The following GPR83 variants were observed in gnomAD, a reference collection of about 807,000 sequenced individuals.
GPR83 encodes the protein G-protein coupled receptor 72.
In GPR83, 23 loss-of-function variants were observed where a neutral mutation model predicts 28.0. The observed-to-expected ratio is 0.82, with a 90% CI of 0.59 to 1.16. GPR83 has a LOEUF of 1.16. Ranked by LOEUF, GPR83 falls within the 50% of genes most tolerant of loss-of-function variation. The pLI is 0.00. For missense variants in GPR83, 610 were observed against 536.6 expected, an observed-to-expected ratio of 1.14 and a Z score of -1.35; for synonymous variants, 234 against 215.4, an observed-to-expected ratio of 1.09 and a Z score of -0.76.
intron 3 of GPR83, among the ~76,000 whole-genome samples, chr11:94,387,853 A>C (rs1944776203): frequency 6.6e-6 from 1 of 152,206 alleles, no homozygotes; most frequent in Admixed American, 6.5e-5. Flanking sequence ...CCTGATACCA[A>C]AGCCTGGCAG....
At position 94,393,655 on chromosome 11, in the gene GPR83, G is replaced by A. The variant is rs188775750; in HGVS notation, c.514-37C>T. On this transcript the variant is annotated intron_variant, in intron 2 of 3. Coordinates refer to ENST00000243673, the MANE Select transcript of GPR83 (RefSeq NM_016540.4). ...GCAAACCACATCACTAACTGAAGAC[G>A]TTTTGGAGCAAATCAGAAATCTGGG... is the stretch of plus-strand genomic sequence containing the variant. 1.4e-4 allele frequency: 229 copies of A among 1,608,996 alleles called. 1 individual carries two copies. In the East Asian group the frequency reaches 4.6e-3, roughly 32 times the overall value.
At position 94,401,256 on chromosome 11, in the gene GPR83, A is replaced by G. The variant is rs755578971; in HGVS notation, c.-9T>C. 25 of 1,587,328 alleles carry G rather than the reference A, an allele frequency of 1.6e-5. No individual in the cohort carries two copies. Among genetic ancestry groups the G allele is most frequent in the Non-Finnish European group, 2.1e-5 (24 of 1,168,666 alleles). Reference sequence around the variant, plus strand: ...AAGAGGTGAGGGACCATTTTGCAGGAGCCACCCCTCCCCTGGGAGCCTGCG... The same window carrying G: ...AAGAGGTGAGGGACCATTTTGCAGGGGCCACCCCTCCCCTGGGAGCCTGCG... On this transcript the variant is annotated 5_prime_UTR_variant, in exon 1 of 4. Transcript: ENST00000243673.
intron 3 of GPR83, among the ~76,000 whole-genome samples, chr11:94,392,334 G>C (rs1017812228): frequency 6.6e-6 from 1 of 151,958 alleles, no homozygotes; most frequent in Non-Finnish European, 1.5e-5. Flanking sequence ...GAGGTGGGGG[G>C]CAAGCAGAGG....
At position 94,400,959 on chromosome 11, in the gene GPR83, A is replaced by G. The variant is rs1167779558; in HGVS notation, c.289T>C (p.Phe97Leu). Residue 97 changes from phenylalanine to leucine, a missense_variant, in exon 1 of 4, where the codon TTC becomes CTC. Coordinates refer to ENST00000243673, the MANE Select transcript of GPR83 (RefSeq NM_016540.4). ...GCCGAGTGCATTCGCTGGTTCTTGA[A>G]GATGACATGACAGACCAGGACGTTG... Reference protein sequence around the residue: ...FGNVLVCHVIFKNQRMHSATS... With the variant: ...FGNVLVCHVILKNQRMHSATS... 2 of 1,614,160 alleles carry G rather than the reference A, an allele frequency of 1.2e-6. No individual in the cohort carries two copies. Among genetic ancestry groups the G allele is most frequent in the Non-Finnish European group, 1.7e-6 (2 of 1,179,968 alleles).
rs1351697262 is a variant in GPR83, at chr11:94,380,677, G to A, written c.744C>T (p.Tyr248=). ...YLDLATFILL[Y]ILPLLIISVA... ...CAGAGATGATGAGGAGGGGCAGGAT[G>A]TAGAGCAGGATGAAGGTGGCCAAGT... Residue 248 remains tyrosine, a synonymous_variant, in exon 4 of 4, where the codon TAC becomes TAT. Transcript: ENST00000243673. 1 of 1,613,888 alleles carries A rather than the reference G, an allele frequency of 6.2e-7. No individual in the cohort carries two copies. The highest frequency in any genetic ancestry group is 1.1e-5 in the South Asian group (1 of 91,046).
rs556573852 is a variant in GPR83, at chr11:94,387,225, G to A, written c.647+6260C>T. Among the ~76,000 whole-genome samples, 537 of 152,252 alleles carry A rather than the reference G, an allele frequency of 3.5e-3. 5 individuals are homozygous for A. Among genetic ancestry groups the A allele is most frequent in the African/African-American group, 0.012 (514 of 41,554 alleles). On this transcript the variant is annotated intron_variant, in intron 3 of 3. Transcript: ENST00000243673. ...CACTAAATGCCCACAAGGGAAACCAGGAAAGATCTAAAATTGACACCCTAA... is the reference window on the plus strand; with the variant it reads ...CACTAAATGCCCACAAGGGAAACCAAGAAAGATCTAAAATTGACACCCTAA...
intron 3 of GPR83, among the ~76,000 whole-genome samples, chr11:94,392,921 C>T (rs80349220): frequency 0.081 from 12,323 of 151,884 alleles, 583 homozygotes; most frequent in South Asian, 0.18. Context: ...TTGAGATCAC[C>T]GAGATAACAA....
At chr11:94,383,444 A>C (rs1174553779) in intron 3 of GPR83, among the ~76,000 whole-genome samples, 1 of 152,192 alleles carries the variant, frequency 6.6e-6, no homozygotes. Flanking sequence ...GCAACAGCAA[A>C]CAAATTCAAA....
In GPR83 at chr11:94,380,700, A is replaced by G; in HGVS notation, c.721T>C (p.Leu241=). 1.2e-6 allele frequency: 2 copies of G among 1,613,528 alleles called. No individual in the cohort carries two copies. Among genetic ancestry groups the G allele is most frequent in the Non-Finnish European group, 1.7e-6 (2 of 1,179,992 alleles). The change falls in exon 4 of 4, where the codon TTG becomes CTG. Residue 241 remains leucine, a synonymous_variant. Coordinates refer to ENST00000243673, the MANE Select transcript of GPR83 (RefSeq NM_016540.4). Reference sequence around the variant, plus strand: ...ATGTAGAGCAGGATGAAGGTGGCCAAGTCCAGGTACTTCCAGAAGAGGTCA... The same window carrying G: ...ATGTAGAGCAGGATGAAGGTGGCCAGGTCCAGGTACTTCCAGAAGAGGTCA... ...PADLFWKYLD[L]ATFILLYILP... is the part of the protein sequence containing the mutation.
rs1321677900 is a variant in GPR83, at chr11:94,377,605, A to T, written c.*2544T>A. ...TTATGATGATGGGAAAGCAATACACATTCAGTAGAAACCATACTTCGCATA... is the reference window on the plus strand; with the variant it reads ...TTATGATGATGGGAAAGCAATACACTTTCAGTAGAAACCATACTTCGCATA... On this transcript the variant is annotated 3_prime_UTR_variant, in exon 4 of 4. Transcript: ENST00000243673. 1.3e-5 allele frequency: 2 copies of T among 152,202 alleles called. No individual in the cohort carries two copies. The highest frequency in any genetic ancestry group is 4.8e-5 in the African/African-American group (2 of 41,450). 9.4% of individuals were successfully genotyped at this position (152,202 alleles called of 1,614,324 possible). A position where few individuals can be genotyped will look rare whatever the true frequency, so the allele number is the denominator to read the frequency against.
Position 94,380,576 on chromosome 11 carries a change from G to T in GPR83, c.845C>A (p.Ala282Asp). The change falls in exon 4 of 4, where the codon GCC becomes GAC. Residue 282 changes from alanine (A) to aspartate (D), a missense_variant. Physicochemically the swap from Ala to Asp is moderately radical, Grantham distance 126. Coordinates refer to ENST00000243673, the MANE Select transcript of GPR83 (RefSeq NM_016540.4). ...IGDVTTEQYFALRRKKKKTIK... is the reference protein window; with the variant it reads ...IGDVTTEQYFDLRRKKKKTIK... Reference sequence around the variant, plus strand: ...GGTCTTCTTCTTTTTGCGCCGCAGGGCAAAGTACTGCTCTGTGGTCACATC... The same window carrying T: ...GGTCTTCTTCTTTTTGCGCCGCAGGTCAAAGTACTGCTCTGTGGTCACATC... The T allele has an allele frequency of 6.2e-7, 1 of 1,614,130 alleles. No individual in the cohort carries two copies. The highest frequency in any genetic ancestry group is 8.5e-7 in the Non-Finnish European group (1 of 1,179,992).
chr11:94,385,758 A>G (rs1944747807), intron 3 of GPR83, among the ~76,000 whole-genome samples: 1 of 152,230 alleles, frequency 6.6e-6, no homozygotes. Context: ...AATGGAACCA[A>G]GTTGGAAAAC....
In GPR83 at chr11:94,400,884, G is replaced by T. The variant is rs1281536982; in HGVS notation, c.364C>A (p.Leu122Met). 1.2e-6 allele frequency: 2 copies of T among 1,614,202 alleles called. No homozygotes were observed. Among genetic ancestry groups the T allele is most frequent in the Non-Finnish European group, 1.7e-6 (2 of 1,180,022 alleles). ...ACCAAAGTGAAGGGGGTGTTGAGCAGCGTGATCATTATGTCGGCAACTGCC... is the reference window on the plus strand; with the variant it reads ...ACCAAAGTGAAGGGGGTGTTGAGCATCGTGATCATTATGTCGGCAACTGCC... The part of the protein sequence containing the change: ...NLAVADIMIT[L>M]LNTPFTLVRF... The change falls in exon 1 of 4, where the codon CTG (leucine) becomes ATG (methionine). Residue 122 changes from leucine to methionine, a missense_variant. Physicochemically the swap from Leu to Met is conservative, Grantham distance 15. Coordinates refer to ENST00000243673, the MANE Select transcript of GPR83 (RefSeq NM_016540.4).
chr11:94,386,154 A>G (rs1220963355), intron 3 of GPR83, among the ~76,000 whole-genome samples: 1 of 152,138 alleles, frequency 6.6e-6, no homozygotes, highest in Non-Finnish European at 1.5e-5. Context: ...ATGCTGAGAG[A>G]CTCTGTCACC....
chr11:94,390,468 G>C (rs1296173204), intron 3 of GPR83, among the ~76,000 whole-genome samples: 1 of 152,078 alleles, frequency 6.6e-6, no homozygotes, highest in African/African-American at 2.4e-5. Context: ...GGAAGTTTTG[G>C]CCAGGGCAAT....
rs184645531 is a variant in GPR83 at position 94,389,065 on chromosome 11, A to C, written c.647+4420T>G. Among the ~76,000 whole-genome samples the C allele has an allele frequency of 2.8e-3, 426 of 152,098 alleles. 2 individuals are homozygous for C. The highest frequency in any genetic ancestry group is 9.7e-3 in the African/African-American group (403 of 41,426). Reference sequence around the variant, plus strand: ...CCTTGACAAACCTGACAAAAACAAGAAATGGGGAAAGGATTCCCTATTTAA... The same window carrying C: ...CCTTGACAAACCTGACAAAAACAAGCAATGGGGAAAGGATTCCCTATTTAA... On this transcript the variant is annotated intron_variant, in intron 3 of 3. Coordinates refer to ENST00000243673, the MANE Select transcript of GPR83 (RefSeq NM_016540.4).
chr11:94,399,403 C>T (rs899499164), intron 1 of GPR83, among the ~76,000 whole-genome samples: 10 of 152,208 alleles, frequency 6.6e-5, no homozygotes, highest in African/African-American at 2.2e-4. Flanking sequence ...TCACTCCCAG[C>T]TGGCTGGTTA....
rs778571164 is a variant in GPR83 at position 94,380,599 on chromosome 11, A to G, written c.822T>C (p.Asp274=). Residue 274 remains aspartate, a synonymous_variant, in exon 4 of 4, where the codon GAT becomes GAC. Transcript: ENST00000243673. ...GGGCAAAGTACTGCTCTGTGGTCAC[A>G]TCGCCAATCATATTACACAGCCACA... ...KKLWLCNMIG[D]VTTEQYFALR... 1.2e-5 allele frequency: 19 copies of G among 1,614,084 alleles called. No homozygotes were observed. The South Asian group carries it at 1.8e-4, about 15-fold the overall frequency.
rs1944644436 is a variant in GPR83, at chr11:94,378,556, G to C, written c.*1593C>G. On this transcript the variant is annotated 3_prime_UTR_variant, in exon 4 of 4. Transcript: ENST00000243673. The stretch of plus-strand genomic sequence containing the variant: ...GGAATGAGATTTCTCTGGCAAGTTA[G>C]ACCCTTAAGAATTGAGATCTCTTAA... The C allele has an allele frequency of 6.6e-6, 1 of 152,466 alleles. No individual in the cohort carries two copies. The highest frequency in any genetic ancestry group is 2.4e-5 in the African/African-American group (1 of 41,438). The allele number at this position is 152,466 out of a possible 1,614,324, so 9.4% of individuals were successfully genotyped here.
Sources: gnomAD v4.1 joint callset for allele counts (sites outside exome capture counted in the v4.1 genomes callset) on GRCh38, gnomAD v4.1.1 for gene constraint, MANE v1.5 for transcripts, NCBI Gene and HGNC (gene_info 2026-07-23, HGNC 2026-07-21) for gene names.